The following SLC25A16 variants were observed in gnomAD, a reference collection of about 807,000 sequenced individuals.
The protein encoded by SLC25A16 is mitochondrial coenzyme A transporter SLC25A16.
Under a neutral mutation model 41.5 loss-of-function variants are expected in SLC25A16, and 39 were observed. That is an observed-to-expected ratio of 0.94 (90% CI 0.73 to 1.23). The LOEUF (loss-of-function observed/expected upper bound fraction) is 1.23. Among genes scored for constraint, SLC25A16 ranks in the 50% most tolerant of loss-of-function variants. The probability of loss-of-function intolerance (pLI) is 0.00; values close to 1 mark genes in which losing one functional copy is unlikely to be tolerated. For synonymous variants in SLC25A16, 146 were observed against 147.8 expected (o/e 0.99, Z 0.09); for missense variants, 421 against 426.9 (o/e 0.99, Z 0.12).
intron 4 of SLC25A16, among the ~76,000 whole-genome samples, chr10:68,494,873 G>A (rs1213647837): frequency 1.4e-5 from 2 of 142,556 alleles, no homozygotes; most frequent in East Asian, 2.1e-4. Context: ...GAGTAAAACT[G>A]CATCTAAAAA....
In SLC25A16 at chr10:68,495,080, G is replaced by A. The variant is rs142825577; in HGVS notation, c.422-1510C>T. On this transcript the variant is annotated intron_variant, in intron 4 of 8. Coordinates refer to ENST00000609923, the MANE Select transcript of SLC25A16 (RefSeq NM_152707.4). ...ACAGATCGCTTGAGCCCAAAAGTTC[G>A]AGAACAGCCTAGGCAACATAGCAAA... 8.2e-3 allele frequency among the ~76,000 whole-genome samples: 1,246 copies of A among 151,770 alleles called. 19 individuals carry two copies. The highest frequency in any genetic ancestry group is 0.028 in the African/African-American group (1,164 of 41,396).
At chr10:68,510,538 G>A (rs548427686) in intron 2 of SLC25A16, among the ~76,000 whole-genome samples, 3 of 151,034 alleles carry the variant, frequency 2.0e-5, no homozygotes, top group Admixed American at 1.3e-4. Context: ...GTGAAACTAC[G>A]TCTCAAAAAA....
intron 6 of SLC25A16, among the ~76,000 whole-genome samples, chr10:68,491,876 T>C (rs1333488254): frequency 6.6e-6 from 1 of 152,174 alleles, no homozygotes; most frequent in African/African-American, 2.4e-5. Flanking sequence ...TCGCCCAGGC[T>C]GGAGTGCAGT....
intron 8 of SLC25A16, among the ~76,000 whole-genome samples, chr10:68,485,892 G>A (rs1177883807): frequency 6.7e-6 from 1 of 148,526 alleles, no homozygotes; most frequent in African/African-American, 2.5e-5. Flanking sequence ...CCGCCTCCTG[G>A]GTTCACACGA....
rs1215959614 is a variant in SLC25A16, at chr10:68,480,975, A to C, written c.*2457T>G. On this transcript the variant is annotated 3_prime_UTR_variant, in exon 9 of 9. Coordinates refer to ENST00000609923, the MANE Select transcript of SLC25A16 (RefSeq NM_152707.4). ...TACAGCCTTTTTTTTTCTTTTATAC[A>C]GTCTCACTCTGTATAAAAGAAATTT... The C allele has an allele frequency of 6.7e-6, 1 of 149,246 alleles. No individual in the cohort carries two copies. Among genetic ancestry groups the C allele is most frequent in the Non-Finnish European group, 1.5e-5 (1 of 67,622 alleles). 9.2% of individuals were successfully genotyped at this position (149,246 alleles called of 1,614,324 possible).
Position 68,503,687 on chromosome 10 carries a change from A to C in SLC25A16, c.366T>G (p.Thr122=), listed in dbSNP as rs763583994. 4 of 1,599,746 alleles carry C rather than the reference A, an allele frequency of 2.5e-6. No homozygotes were observed. In the Admixed American group the frequency reaches 5.0e-5, roughly 20 times the overall value. Residue 122 remains threonine (T), a synonymous_variant, in exon 4 of 9, where the codon ACT becomes ACG. Coordinates refer to ENST00000609923, the MANE Select transcript of SLC25A16 (RefSeq NM_152707.4). The part of the protein sequence containing the change: ...MAFEHYKTLI[T]TKLGISGHVH... ...CATGACCTGAAATTCCCAGCTTCGT[A>C]GTAATTAACTAGAAAACAAGAACAC...
rs2052481961 is a variant in SLC25A16, at chr10:68,481,334, A to T, written c.*2098T>A. On this transcript the variant is annotated 3_prime_UTR_variant, in exon 9 of 9. Transcript: ENST00000609923. Reference sequence around the variant, plus strand: ...TGGTACACTTATAAATCATACAAAGATACATACTTATTTTTAAAATAAAGG... The same window carrying T: ...TGGTACACTTATAAATCATACAAAGTTACATACTTATTTTTAAAATAAAGG... The T allele has an allele frequency of 6.6e-6, 1 of 152,132 alleles. No homozygotes were observed. The highest frequency in any genetic ancestry group is 6.6e-5 in the Admixed American group (1 of 15,250). 9.4% of individuals were successfully genotyped at this position (152,132 alleles called of 1,614,324 possible).
chr10:68,479,220 C>T lies in SLC25A16; in HGVS notation c.*4212G>A, dbSNP rs1428502116. On this transcript the variant is annotated 3_prime_UTR_variant, in exon 9 of 9. Transcript: ENST00000609923. ...TCTTCAAAAACAGGGACTAACCCTTCCTTCTACCCACCAGTAAACATCACT... is the reference window on the plus strand; with the variant it reads ...TCTTCAAAAACAGGGACTAACCCTTTCTTCTACCCACCAGTAAACATCACT... 1 of 152,210 alleles carries T rather than the reference C, an allele frequency of 6.6e-6. No individual in the cohort carries two copies. The highest frequency in any genetic ancestry group is 2.4e-5 in the African/African-American group (1 of 41,448). 9.4% of individuals were successfully genotyped at this position (152,210 alleles called of 1,614,324 possible).
Position 68,482,097 on chromosome 10 carries a change from T to C in SLC25A16, c.*1335A>G, listed in dbSNP as rs2052489807. 1.3e-5 allele frequency: 2 copies of C among 152,102 alleles called. No individual in the cohort carries two copies. 9.4% of individuals were successfully genotyped at this position (152,102 alleles called of 1,614,324 possible). ...GCGAATTTTTGGTGGTGGGCACCTG[T>C]AGTCCCAGCTACTCGGGAGACTGAG... On this transcript the variant is annotated 3_prime_UTR_variant, in exon 9 of 9. Transcript: ENST00000609923.
chr10:68,506,731 G>A lies in SLC25A16; in HGVS notation c.224-13C>T. ...GCAGAAAATACTCCTATTTTTAGAG[G>A]AAAAATGCTGTTAAAACAGAGAAAA... On this transcript the variant is annotated splice_polypyrimidine_tract_variant and intron_variant, in intron 2 of 8. Coordinates refer to ENST00000609923, the MANE Select transcript of SLC25A16 (RefSeq NM_152707.4). 6.5e-7 allele frequency: 1 copy of A among 1,536,694 alleles called. No homozygotes were observed. Among genetic ancestry groups the A allele is most frequent in the African/African-American group, 1.4e-5 (1 of 71,882 alleles).
intron 2 of SLC25A16, among the ~76,000 whole-genome samples, chr10:68,511,002 G>A (rs750535949): frequency 6.6e-6 from 1 of 152,162 alleles, no homozygotes; most frequent in Admixed American, 6.6e-5. Flanking sequence ...ACTTTGGGAG[G>A]CCAAAGCGGG....
In SLC25A16 at chr10:68,480,470, T is replaced by G. The variant is rs2052471722; in HGVS notation, c.*2962A>C. On this transcript the variant is annotated 3_prime_UTR_variant, in exon 9 of 9. Transcript: ENST00000609923. The stretch of plus-strand genomic sequence containing the variant: ...AAAGATATTTGCAATCCCCTTTTAC[T>G]GATAACCTAACTGAGGTATCTTTTT... 1 of 150,310 alleles carries G rather than the reference T, an allele frequency of 6.7e-6. No individual in the cohort carries two copies. Among genetic ancestry groups the G allele is most frequent in the Non-Finnish European group, 1.5e-5 (1 of 67,772 alleles). The allele number at this position is 150,310 out of a possible 1,614,324, so 9.3% of individuals were successfully genotyped here.
intron 4 of SLC25A16, chr10:68,496,492 CA>C: frequency 1.0e-6 from 1 of 984,916 alleles, no homozygotes; most frequent in Non-Finnish European, 1.2e-6. Context: ...CAATCCAATA[CA>C]AATAGTAGAA....
At chr10:68,485,808 T>TTA (rs2052550387) in intron 8 of SLC25A16, among the ~76,000 whole-genome samples, 1 of 149,678 alleles carries the variant, frequency 6.7e-6, no homozygotes, top group African/African-American at 2.5e-5. Flanking sequence ...ATTTTTTTTT[T>TTA]TTTTTTTGAG....
At chr10:68,525,003 C>T (rs560818778) in intron 1 of SLC25A16, among the ~76,000 whole-genome samples, 153 of 151,820 alleles carry the variant, frequency 1.0e-3, no homozygotes, top group Admixed American at 3.4e-3. Context: ...GCCAAGATCA[C>T]GCCACTGCAC....
chr10:68,484,343 GTTCCT>G (rs1564907582), intron 8 of SLC25A16, among the ~76,000 whole-genome samples: 1 of 151,280 alleles, frequency 6.6e-6, no homozygotes, highest in Non-Finnish European at 1.5e-5. Context: ...TTTCAGAGTT[GTTCCT>G]TTCCTTTCAA....
At position 68,527,191 on chromosome 10, in the gene SLC25A16, A is replaced by G. The variant is rs1016103943; in HGVS notation, c.130+55T>C. ...GAGGCCGCTTGCATCCCACTTGCCC[A>G]CAGTCCTGCCCCCGCCACTCAGAGC... On this transcript the variant is annotated intron_variant, in intron 1 of 8. Transcript: ENST00000609923. 6.0e-5 allele frequency: 91 copies of G among 1,519,990 alleles called. No homozygotes were observed. The African/African-American group carries it at 1.2e-3, about 19-fold the overall frequency. 94.2% of individuals were successfully genotyped at this position (1,519,990 alleles called of 1,614,324 possible). A position where few individuals can be genotyped will look rare whatever the true frequency, so the allele number is the denominator to read the frequency against.
chr10:68,490,768 A>C (rs1325749322), intron 6 of SLC25A16, among the ~76,000 whole-genome samples: 1 of 152,206 alleles, frequency 6.6e-6, no homozygotes, highest in Non-Finnish European at 1.5e-5. Context: ...CTAAACGTTA[A>C]AAATCATTCT....
intron 6 of SLC25A16, 33 bp from the exon 7 acceptor site, chr10:68,488,662 TTAACA>T (rs2052605699): frequency 1.3e-6 from 2 of 1,552,334 alleles, no homozygotes; most frequent in Non-Finnish European, 1.8e-6. Context: ...ACCATGATGC[TTAACA>T]TAACATGAGC....
Sources: allele counts gnomAD v4.1 joint callset (sites outside exome capture counted in the v4.1 genomes callset), GRCh38; gene constraint gnomAD v4.1.1; transcripts MANE v1.5; gene names NCBI Gene and HGNC (gene_info 2026-07-23, HGNC 2026-07-21).